ADAMTS19: variants seen among roughly 807,000 people sequenced by gnomAD.
ADAMTS19 encodes the protein ADAM metallopeptidase with thrombospondin type 1 motif 19.
ADAMTS19 carries 93 observed loss-of-function variants against 153.3 expected under a neutral mutation model. The ratio of observed to expected loss-of-function variants is 0.61; its 90% CI spans 0.51 to 0.72. The LOEUF is 0.72. Ranked by LOEUF, ADAMTS19 falls within the 30% of genes least tolerant of loss-of-function variation. The pLI is 0.00. For missense variants in ADAMTS19, 1,482 were observed against 1,552.1 expected, an observed-to-expected ratio of 0.95 and a Z score of 0.76; for synonymous variants, 600 against 556.6, an observed-to-expected ratio of 1.08 and a Z score of -1.10.
intron 21 of ADAMTS19, among the ~76,000 whole-genome samples, chr5:129,724,770 G>A (rs1172253478): frequency 6.6e-6 from 1 of 152,076 alleles, no homozygotes; most frequent in Admixed American, 6.6e-5. Flanking sequence ...ATTTACATAG[G>A]GCATGAGAGA....
In ADAMTS19 at chr5:129,460,329, C is replaced by T. The variant is rs1178440388; in HGVS notation, c.-63C>T. 3.5e-6 allele frequency: 5 copies of T among 1,443,992 alleles called. No individual in the cohort carries two copies. Among genetic ancestry groups the T allele is most frequent in the Non-Finnish European group, 3.8e-6 (4 of 1,048,154 alleles). 89.4% of individuals were successfully genotyped at this position (1,443,992 alleles called of 1,614,324 possible). A position where few individuals can be genotyped will look rare whatever the true frequency, so the allele number is the denominator to read the frequency against. On this transcript the variant is annotated 5_prime_UTR_variant, in exon 1 of 23. Transcript: ENST00000274487. ...CTAGCGCTCCGGGGAGGCCGCTGCG[C>T]CCCGGAGTGGATCGCGCTGGAGGCG... is the stretch of plus-strand genomic sequence containing the variant.
At position 129,461,208 on chromosome 5, in the gene ADAMTS19, G is replaced by T. The variant is rs761816965; in HGVS notation, c.198G>T (p.Pro66=). The T allele has an allele frequency of 1.4e-5, 18 of 1,290,366 alleles. No homozygotes were observed. The highest frequency in any genetic ancestry group is 3.0e-4 in the Middle Eastern group (1 of 3,372). The allele number at this position is 1,290,366 out of a possible 1,614,324, so 79.9% of individuals were successfully genotyped here. A position where few individuals can be genotyped will look rare whatever the true frequency, so the allele number is the denominator to read the frequency against. ...GCGGCAGCGGGGGCAGCGCGGACCC[G>T]GGCTGGGTGCGCGGCGTTGGGGGCG... The part of the protein sequence containing the change: ...PAGGSGGSAD[P]GWVRGVGGGG... The change falls in exon 2 of 23, where the codon CCG becomes CCT. Residue 66 remains proline (P), a synonymous_variant. Transcript: ENST00000274487. This position sits in a 1 kb window ranked among gnomAD's most constrained non-coding sequence, Gnocchi z 4.6.
chr5:129,681,223 G>A (rs1285056363), intron 17 of ADAMTS19, among the ~76,000 whole-genome samples: 1 of 152,170 alleles, frequency 6.6e-6, no homozygotes, highest in Non-Finnish European at 1.5e-5. Flanking sequence ...TTACTAAAAT[G>A]CATAGTCTGA....
intron 10 of ADAMTS19, among the ~76,000 whole-genome samples, chr5:129,628,813 A>G (rs1257692164): frequency 1.3e-5 from 2 of 152,118 alleles, no homozygotes; most frequent in Admixed American, 1.3e-4. Context: ...GTAAGGTAAC[A>G]TGCTATACAG....
chr5:129,641,755 A>G (rs2127023817), intron 10 of ADAMTS19, 104 bp from the exon 11 acceptor site: 2 of 577,900 alleles, frequency 3.5e-6, no homozygotes, highest in Middle Eastern at 5.5e-4. Flanking sequence ...TTTTCTTCAA[A>G]TAATTTTTGT....
rs145602339 is a variant in ADAMTS19, at chr5:129,512,985, A to T, written c.913+3743A>T. The stretch of plus-strand genomic sequence containing the variant: ...CCAATGTGGGTTCAGCTTTACATTG[A>T]TTAATTCCAAAGTGTCTCCATTTCA... On this transcript the variant is annotated intron_variant, in intron 3 of 22. Coordinates refer to ENST00000274487, the MANE Select transcript of ADAMTS19 (RefSeq NM_133638.6). Among the ~76,000 whole-genome samples the T allele has an allele frequency of 7.1e-4, 108 of 151,882 alleles. 2 individuals carry two copies. The highest frequency in any genetic ancestry group is 2.5e-3 in the African/African-American group (104 of 41,450).
At chr5:129,688,278 G>A (rs533621762) in intron 18 of ADAMTS19, 11 of 152,264 alleles carry the variant, frequency 7.2e-5, no homozygotes, top group South Asian at 6.2e-4. Context: ...ACAGCAAAGA[G>A]GAATAATAAT....
intron 8 of ADAMTS19, among the ~76,000 whole-genome samples, chr5:129,609,967 T>C (rs577428226): frequency 3.3e-5 from 5 of 152,284 alleles, no homozygotes; most frequent in African/African-American, 1.2e-4. Flanking sequence ...TTGGTGTTTC[T>C]ATGATCCTAT....
intron 7 of ADAMTS19, among the ~76,000 whole-genome samples, chr5:129,555,416 GT>G: frequency 6.6e-6 from 1 of 151,996 alleles, no homozygotes; most frequent in Non-Finnish European, 1.5e-5. Context: ...CCCTAGTTTT[GT>G]TATCATTATT....
rs759569071 is a variant in ADAMTS19 at position 129,648,779 on chromosome 5, T to C, written c.2004-19T>C. The C allele has an allele frequency of 1.8e-5, 29 of 1,607,784 alleles. No homozygotes were observed. Among genetic ancestry groups the C allele is most frequent in the Non-Finnish European group, 2.4e-5 (28 of 1,177,272 alleles). On this transcript the variant is annotated intron_variant, in intron 12 of 22. Transcript: ENST00000274487. ...AACATAAAAAACATAAAATTGATTA[T>C]TTGTACTTTCTTTTCTAGGCTAGAT...
intron 7 of ADAMTS19, among the ~76,000 whole-genome samples, chr5:129,554,370 G>A (rs995315581): frequency 1.3e-5 from 2 of 152,126 alleles, no homozygotes; most frequent in African/African-American, 4.8e-5. Context: ...CATGGGGATT[G>A]TTTCAGGACC....
At chr5:129,716,284 T>C (rs1005808131) in intron 21 of ADAMTS19, among the ~76,000 whole-genome samples, 1 of 152,100 alleles carries the variant, frequency 6.6e-6, no homozygotes, top group Non-Finnish European at 1.5e-5. Flanking sequence ...TGCATGCCTC[T>C]GCCTCCTGGG....
chr5:129,517,411 G>T (rs1001372282), intron 3 of ADAMTS19, among the ~76,000 whole-genome samples: 1 of 151,768 alleles, frequency 6.6e-6, no homozygotes, highest in Non-Finnish European at 1.5e-5. Flanking sequence ...TTGTATTGTG[G>T]CCTATTCTCT....
At chr5:129,514,847 T>A (rs1353269571) in intron 3 of ADAMTS19, among the ~76,000 whole-genome samples, 7 of 152,202 alleles carry the variant, frequency 4.6e-5, no homozygotes, top group East Asian at 1.9e-4. Flanking sequence ...AGTGTATTAC[T>A]CAAGAAATCT....
chr5:129,635,082 A>G (rs1342240420), intron 10 of ADAMTS19, among the ~76,000 whole-genome samples: 1 of 152,180 alleles, frequency 6.6e-6, no homozygotes, highest in Admixed American at 6.5e-5. Context: ...AGCAAAAAAC[A>G]AGCAACCCCA....
chr5:129,725,957 C>A (rs998361546), intron 21 of ADAMTS19, among the ~76,000 whole-genome samples: 2 of 152,072 alleles, frequency 1.3e-5, no homozygotes, highest in Admixed American at 6.6e-5. Flanking sequence ...ATCACTACGG[C>A]AATGGAACAA....
At chr5:129,518,453 G>C (rs1751685506) in intron 3 of ADAMTS19, among the ~76,000 whole-genome samples, 1 of 152,010 alleles carries the variant, frequency 6.6e-6, no homozygotes. Context: ...TGTTAGAAGG[G>C]TATTTTTGCC....
At chr5:129,469,544 A>G (rs947455683) in intron 2 of ADAMTS19, among the ~76,000 whole-genome samples, 1 of 152,178 alleles carries the variant, frequency 6.6e-6, no homozygotes, top group African/African-American at 2.4e-5. Context: ...ATAGTTGTCA[A>G]TTTTAGAGAA....
intron 6 of ADAMTS19, among the ~76,000 whole-genome samples, chr5:129,540,187 A>T (rs1429770379): frequency 6.6e-6 from 1 of 152,088 alleles, no homozygotes; most frequent in Admixed American, 6.6e-5. Context: ...GATAACTAGT[A>T]AATGTTGGGG....
Sources: gnomAD v4.1 joint callset for allele counts (sites outside exome capture counted in the v4.1 genomes callset) on GRCh38, gnomAD v4.1.1 for gene constraint, Gnocchi (gnomAD v3.1) non-coding constraint, MANE v1.5 for transcripts, NCBI Gene and HGNC (gene_info 2026-07-23, HGNC 2026-07-21) for gene names.